The following CCSER1 variants were observed in gnomAD, a reference collection of about 807,000 sequenced individuals.
The protein encoded by CCSER1 is serine-rich coiled-coil domain-containing protein 1.
CCSER1 carries 41 observed loss-of-function variants against 82.0 expected under a neutral mutation model. The observed-to-expected ratio is 0.50, with a 90% CI of 0.39 to 0.65. The LOEUF (loss-of-function observed/expected upper bound fraction) is 0.65. Ranked by LOEUF, CCSER1 falls within the 30% of genes least tolerant of loss-of-function variation. The pLI is 0.00. For synonymous variants in CCSER1, 414 were observed against 383.9 expected (o/e 1.08, Z -0.92); for missense variants, 1,119 against 1,064.2 (o/e 1.05, Z -0.72).
At chr4:90,969,574 G>C (rs991875085) in intron 9 of CCSER1, among the ~76,000 whole-genome samples, 9 of 151,852 alleles carry the variant, frequency 5.9e-5, no homozygotes, top group African/African-American at 2.2e-4. Flanking sequence ...AAATAAAGAA[G>C]AGATAAACAC....
intron 4 of CCSER1, among the ~76,000 whole-genome samples, chr4:90,420,346 G>GGA (rs1405392878): frequency 3.3e-5 from 5 of 151,876 alleles, no homozygotes; most frequent in Non-Finnish European, 5.9e-5. Context: ...GTTCTAACTG[G>GGA]GAGAGAATTT....
chr4:90,718,767 A>G (rs1417357124), intron 6 of CCSER1, among the ~76,000 whole-genome samples: 2 of 152,164 alleles, frequency 1.3e-5, no homozygotes, highest in Non-Finnish European at 2.9e-5. Context: ...ATTGCTAATG[A>G]AGAATTTTTA....
chr4:90,264,949 ATTCT>A lies in CCSER1; in HGVS notation c.-41-43292_-41-43289del, dbSNP rs1333017240. On this transcript the variant is annotated intron_variant, in intron 1 of 10. Transcript: ENST00000509176. ...ACATAACCCATTTTCCTTTTCTGATATTCTTTGACTATTTTATTTTAAATTGAGG... is the reference window on the plus strand; with the variant it reads ...ACATAACCCATTTTCCTTTTCTGATATTGACTATTTTATTTTAAATTGAGG... 3.9e-5 allele frequency among the ~76,000 whole-genome samples: 6 copies of A among 152,172 alleles called. No individual in the cohort carries two copies. The South Asian group carries it at 1.0e-3, about 26-fold the overall frequency.
intron 5 of CCSER1, among the ~76,000 whole-genome samples, chr4:90,474,718 C>T (rs1326462470): frequency 6.6e-6 from 1 of 152,124 alleles, no homozygotes; most frequent in Non-Finnish European, 1.5e-5. Context: ...ACAGTGAGAA[C>T]ATTTAGGTGA....
chr4:91,097,681 C>T (rs867866002), intron 10 of CCSER1, among the ~76,000 whole-genome samples: 3 of 152,162 alleles, frequency 2.0e-5, no homozygotes, highest in East Asian at 3.9e-4. Context: ...CAAAAATCCC[C>T]GCTTGTGTTT....
chr4:90,831,675 T>C (rs142307374), intron 8 of CCSER1, among the ~76,000 whole-genome samples: 247 of 150,576 alleles, frequency 1.6e-3, no homozygotes, highest in African/African-American at 5.8e-3. Flanking sequence ...ATGACTGTTA[T>C]TATCTCAACA....
At chr4:90,490,102 C>T (rs543154908) in intron 5 of CCSER1, among the ~76,000 whole-genome samples, 2 of 152,192 alleles carry the variant, frequency 1.3e-5, no homozygotes, top group Non-Finnish European at 2.9e-5. Flanking sequence ...ACCACACTGT[C>T]TTCCACAATG....
chr4:91,601,892 A>T lies in CCSER1; in HGVS notation c.*2835A>T, dbSNP rs1764832157. 6.6e-6 allele frequency: 1 copy of T among 152,098 alleles called. No homozygotes were observed. The highest frequency in any genetic ancestry group is 6.6e-5 in the Admixed American group (1 of 15,232). The allele number at this position is 152,098 out of a possible 1,614,324, so 9.4% of individuals were successfully genotyped here. The stretch of plus-strand genomic sequence containing the variant: ...GAAATAAACTGTTCCCATTTTTATA[A>T]TTATTGGAACATGAAACTGTATTTC... On this transcript the variant is annotated 3_prime_UTR_variant, in exon 11 of 11. Coordinates refer to ENST00000509176, the MANE Select transcript of CCSER1 (RefSeq NM_001145065.2).
chr4:91,515,742 G>A (rs1333263617), intron 10 of CCSER1, among the ~76,000 whole-genome samples: 1 of 151,988 alleles, frequency 6.6e-6, no homozygotes, highest in Non-Finnish European at 1.5e-5. Context: ...TGGGTTGAAG[G>A]GTAATTCTCT....
chr4:90,669,368 T>A (rs1159313334), intron 6 of CCSER1, among the ~76,000 whole-genome samples: 1 of 152,042 alleles, frequency 6.6e-6, no homozygotes, highest in Non-Finnish European at 1.5e-5. Context: ...AAGAATATGT[T>A]CAAGTGTAAA....
At chr4:90,730,596 T>A (rs1334642878) in intron 7 of CCSER1, among the ~76,000 whole-genome samples, 2 of 151,972 alleles carry the variant, frequency 1.3e-5, no homozygotes, top group Non-Finnish European at 2.9e-5. Context: ...TCAGGTAGGG[T>A]GATAAATGTT....
chr4:90,728,822 A>G (rs1744181401), intron 7 of CCSER1, among the ~76,000 whole-genome samples: 1 of 152,226 alleles, frequency 6.6e-6, no homozygotes, highest in Admixed American at 6.5e-5. Flanking sequence ...TGAAGTGTGT[A>G]GAAAAAAAGA....
intron 10 of CCSER1, among the ~76,000 whole-genome samples, chr4:91,331,347 G>C (rs1050383690): frequency 6.6e-6 from 1 of 151,692 alleles, no homozygotes. Flanking sequence ...AAATCTGACC[G>C]TCCCATTGTA....
intron 10 of CCSER1, among the ~76,000 whole-genome samples, chr4:91,405,992 G>A (rs1381538381): frequency 1.3e-5 from 2 of 152,118 alleles, no homozygotes; most frequent in African/African-American, 4.8e-5. Flanking sequence ...TTCCTATTTG[G>A]CCATCTTGGA....
chr4:91,213,617 A>G (rs1416792089), intron 10 of CCSER1, among the ~76,000 whole-genome samples: 1 of 152,180 alleles, frequency 6.6e-6, no homozygotes, highest in Non-Finnish European at 1.5e-5. Context: ...GAGAATGGAC[A>G]AATTTGATTT....
chr4:90,712,289 A>G (rs906867776), intron 6 of CCSER1, among the ~76,000 whole-genome samples: 2 of 151,990 alleles, frequency 1.3e-5, no homozygotes, highest in Non-Finnish European at 2.9e-5. Flanking sequence ...TAGGGTTACA[A>G]ATTTCCTTCT....
chr4:91,155,359 C>T (rs1730708764), intron 10 of CCSER1, among the ~76,000 whole-genome samples: 1 of 151,914 alleles, frequency 6.6e-6, no homozygotes, highest in Non-Finnish European at 1.5e-5. Context: ...TCTTCATCTT[C>T]CTCCATGATT....
At chr4:90,893,755 T>TTG (rs58240569) in intron 8 of CCSER1, among the ~76,000 whole-genome samples, 2,368 of 144,932 alleles carry the variant, frequency 0.016, 35 homozygotes, top group South Asian at 0.08. Flanking sequence ...ACCTGAATTC[T>TTG]TGTGTGTGTG....
At chr4:91,181,276 C>A (rs192421143) in intron 10 of CCSER1, among the ~76,000 whole-genome samples, 1 of 152,316 alleles carries the variant, frequency 6.6e-6, no homozygotes, top group East Asian at 1.9e-4. Flanking sequence ...GAGTCAGGAT[C>A]CACATCTGCA....
Sources: allele counts gnomAD v4.1 joint callset (sites outside exome capture counted in the v4.1 genomes callset), GRCh38; gene constraint gnomAD v4.1.1; transcripts MANE v1.5; gene names NCBI Gene and HGNC (gene_info 2026-07-23, HGNC 2026-07-21).